The following TTC39C variants were observed in gnomAD, a reference collection of about 807,000 sequenced individuals.
The protein encoded by TTC39C is tetratricopeptide repeat protein 39C.
A neutral mutation model predicts 76.3 loss-of-function variants in TTC39C; 33 were observed. The observed-to-expected ratio is 0.43, with a 90% CI of 0.33 to 0.58. The LOEUF is 0.58. TTC39C is among the 20% of genes least tolerant of loss of function. The pLI, the probability that TTC39C is intolerant of heterozygous loss-of-function variation, is 0.04. For synonymous variants in TTC39C, 254 were observed against 260.6 expected (o/e 0.97, Z 0.24); for missense variants, 595 against 701.4 (o/e 0.85, Z 1.71).
chr18:24,049,552 C>T (rs112324116), intron 1 of TTC39C, among the ~76,000 whole-genome samples: 2,417 of 152,240 alleles, frequency 0.016, 44 homozygotes, highest in Middle Eastern at 0.068. Context: ...AGGCACTGTG[C>T]GGGTGTGAGT....
chr18:24,065,556 G>A (rs2084155584), intron 2 of TTC39C, among the ~76,000 whole-genome samples: 1 of 152,200 alleles, frequency 6.6e-6, no homozygotes, highest in African/African-American at 2.4e-5. Context: ...TGGAATTGCA[G>A]TCCCTGGAAA....
intron 1 of TTC39C, among the ~76,000 whole-genome samples, chr18:24,042,158 A>T (rs537650472): frequency 6.6e-6 from 1 of 152,318 alleles, no homozygotes; most frequent in East Asian, 1.9e-4. Flanking sequence ...GTGTTTTGTT[A>T]TATAAATATA....
At chr18:24,098,244 A>AATTTTTGC (rs1037738642) in intron 6 of TTC39C, among the ~76,000 whole-genome samples, 7 of 152,044 alleles carry the variant, frequency 4.6e-5, no homozygotes, top group Admixed American at 3.3e-4. Flanking sequence ...TTGACTATAA[A>AATTTTTGC]ATTTTTGCAT....
chr18:24,082,546 A>C (rs1260701497), intron 5 of TTC39C, among the ~76,000 whole-genome samples: 1 of 152,182 alleles, frequency 6.6e-6, no homozygotes, highest in African/African-American at 2.4e-5. Context: ...GGGAACGGTA[A>C]ACTCATGGTG....
intron 8 of TTC39C, among the ~76,000 whole-genome samples, chr18:24,120,439 T>A (rs1418963904): frequency 1.3e-5 from 2 of 152,228 alleles, no homozygotes; most frequent in Non-Finnish European, 2.9e-5. Context: ...CTAGAGGGCA[T>A]GGGCATTCAG....
chr18:24,116,378 A>C (rs2084891821), intron 7 of TTC39C, among the ~76,000 whole-genome samples: 1 of 152,152 alleles, frequency 6.6e-6, no homozygotes, highest in African/African-American at 2.4e-5. Flanking sequence ...CCCCGTCTTT[A>C]CCAAAAATAC....
Position 24,128,950 on chromosome 18 carries a change from C to G in TTC39C, c.1485C>G (p.His495Gln). 2 of 1,613,562 alleles carry G rather than the reference C, an allele frequency of 1.2e-6. 1 individual carries two copies. Among genetic ancestry groups the G allele is most frequent in the South Asian group, 2.2e-5 (2 of 91,048 alleles). Residue 495 changes from histidine to glutamine, a missense_variant, in exon 11 of 14, where the codon CAC becomes CAG. His to Gln is a conservative substitution (Grantham distance 24). Transcript: ENST00000317571. Reference protein sequence around the residue: ...GLKYLLLGAIHKCLGNSEDAV... With the variant: ...GLKYLLLGAIQKCLGNSEDAV... ...AGTATTTGCTTCTTGGTGCCATACA[C>G]AAATGTCTAGGAAACTCAGAAGATG...
At chr18:24,122,291 G>A (rs2084977104) in intron 8 of TTC39C, among the ~76,000 whole-genome samples, 2 of 151,848 alleles carry the variant, frequency 1.3e-5, no homozygotes, top group Admixed American at 1.3e-4. Context: ...GGCTGAGGCA[G>A]GCATATCACG....
intron 1 of TTC39C, among the ~76,000 whole-genome samples, chr18:24,017,144 A>G (rs181404560): frequency 1.1e-4 from 16 of 152,356 alleles, no homozygotes; most frequent in Admixed American, 9.1e-4. Context: ...AAAGACAGGT[A>G]GACAGAGATG....
intron 1 of TTC39C, chr18:24,006,406 CATCTTTCTA>C: frequency 6.6e-6 from 1 of 152,270 alleles, no homozygotes; most frequent in Middle Eastern, 3.4e-3. Context: ...GTATTATTTT[CATCTTTCTA>C]ATTTACCTCC....
intron 8 of TTC39C, among the ~76,000 whole-genome samples, chr18:24,120,183 C>G (rs947417630): frequency 5.3e-5 from 8 of 152,192 alleles, no homozygotes; most frequent in Non-Finnish European, 1.2e-4. Context: ...AACCCCATCT[C>G]TACTAAAAAT....
At chr18:24,080,212 G>A (rs1193052626) in intron 4 of TTC39C, among the ~76,000 whole-genome samples, 1 of 152,210 alleles carries the variant, frequency 6.6e-6, no homozygotes, top group African/African-American at 2.4e-5. Context: ...TATCAGGAAA[G>A]CAGTATAGTA....
At chr18:24,075,684 C>CAAAAA (rs371486318) in intron 4 of TTC39C, among the ~76,000 whole-genome samples, 2 of 64,254 alleles carry the variant, frequency 3.1e-5, no homozygotes, top group African/African-American at 4.3e-5. Context: ...GACCTTGTCT[C>CAAAAA]AAAAAAAAAA....
intron 1 of TTC39C, among the ~76,000 whole-genome samples, chr18:24,048,246 G>A (rs752076305): frequency 7.9e-5 from 12 of 152,164 alleles, no homozygotes; most frequent in Non-Finnish European, 1.8e-4. Flanking sequence ...TTTGGAAAAC[G>A]CATACACGTG....
upstream of TTC39C, among the ~76,000 whole-genome samples, chr18:24,011,568 C>G (rs1335419039): frequency 1.3e-5 from 2 of 152,230 alleles, no homozygotes; most frequent in Non-Finnish European, 2.9e-5. Flanking sequence ...TAAAACTTCT[C>G]TACACCAATC....
At chr18:23,995,339 G>A (rs752721383) in intron 1 of TTC39C, among the ~76,000 whole-genome samples, 11 of 152,020 alleles carry the variant, frequency 7.2e-5, no homozygotes, top group East Asian at 5.8e-4. Context: ...GTGTGGTGGC[G>A]CGCGTCTGTA....
intron 6 of TTC39C, among the ~76,000 whole-genome samples, chr18:24,110,972 T>G (rs1261469058): frequency 6.6e-6 from 1 of 151,618 alleles, no homozygotes; most frequent in Admixed American, 6.6e-5. Context: ...TTTTAATGCC[T>G]CCATGGTGGA....
At chr18:24,012,520 G>C (rs1333849265), upstream of TTC39C, among the ~76,000 whole-genome samples, 1 of 152,148 alleles carries the variant, frequency 6.6e-6, no homozygotes, top group Non-Finnish European at 1.5e-5. Context: ...TAAACATAGT[G>C]TCATCAATTC....
At chr18:24,009,367 T>G (rs1256489784) in intron 1 of TTC39C, among the ~76,000 whole-genome samples, 1 of 152,154 alleles carries the variant, frequency 6.6e-6, no homozygotes, top group Non-Finnish European at 1.5e-5. Flanking sequence ...ACACATGTCT[T>G]GAAACCAGAG....
Sources: allele counts gnomAD v4.1 joint callset (sites outside exome capture counted in the v4.1 genomes callset), GRCh38; gene constraint gnomAD v4.1.1; transcripts MANE v1.5; gene names NCBI Gene and HGNC (gene_info 2026-07-23, HGNC 2026-07-21).